Variants in ANXA4 observed in about 807,000 individuals in gnomAD.
ANXA4 encodes the protein annexin A4, also known as 35-beta calcimedin.
ANXA4 carries 39 observed loss-of-function variants against 49.8 expected under a neutral mutation model. The observed-to-expected ratio is 0.78, with a 90% CI of 0.61 to 1.02. The LOEUF is 1.02. Ranked by LOEUF, ANXA4 falls within the 50% of genes least tolerant of loss-of-function variation. The pLI is 0.00. For synonymous variants in ANXA4, 134 were observed against 152.5 expected, an observed-to-expected ratio of 0.88 and a Z score of 0.89; for missense variants, 360 against 410.1, an observed-to-expected ratio of 0.88 and a Z score of 1.05.
At chr2:69,769,936 T>TAC (rs1242241962) in intron 1 of ANXA4, among the ~76,000 whole-genome samples, 3 of 152,230 alleles carry the variant, frequency 2.0e-5, no homozygotes, top group Non-Finnish European at 4.4e-5. Flanking sequence ...GTGCTGGGTT[T>TAC]ACAGGTGTGA....
intron 1 of ANXA4, among the ~76,000 whole-genome samples, chr2:69,779,528 G>A (rs944457297): frequency 1.3e-5 from 2 of 152,074 alleles, no homozygotes; most frequent in Admixed American, 6.6e-5. Flanking sequence ...CCAAGCTTTT[G>A]CCTCTACCCA....
At chr2:69,738,117 A>G (rs558683904), upstream of ANXA4, among the ~76,000 whole-genome samples, 313 of 152,314 alleles carry the variant, frequency 2.1e-3, 1 homozygote, top group African/African-American at 7.1e-3. Context: ...TTGGTGTTTA[A>G]CTGAAAATCA....
chr2:69,792,918 T>A (rs1247344495), intron 3 of ANXA4, among the ~76,000 whole-genome samples: 4 of 151,268 alleles, frequency 2.6e-5, no homozygotes, highest in African/African-American at 4.8e-5. Context: ...TGCTACCAAT[T>A]GTGAAGCAGG....
chr2:69,649,528 T>A (rs1284530612), intron 1 of ANXA4, among the ~76,000 whole-genome samples: 1 of 151,426 alleles, frequency 6.6e-6, no homozygotes, highest in African/African-American at 2.4e-5. Flanking sequence ...AATGTTTTAT[T>A]TTTAAATGTT....
chr2:69,675,604 TG>T (rs1677378877), intron 2 of ANXA4, among the ~76,000 whole-genome samples: 1 of 151,802 alleles, frequency 6.6e-6, no homozygotes, highest in South Asian at 2.1e-4. Flanking sequence ...CCTGGAAGAG[TG>T]AGTCATAGGG....
At chr2:69,735,607 G>GA (rs68067564) in intron 3 of ANXA4, among the ~76,000 whole-genome samples, 40,326 of 149,934 alleles carry the variant, frequency 0.27, 5,394 homozygotes, top group South Asian at 0.32. Context: ...GCCACTCTGG[G>GA]AAAAAAAAAA....
At chr2:69,718,262 C>A (rs1006557984) in intron 2 of ANXA4, among the ~76,000 whole-genome samples, 1 of 152,066 alleles carries the variant, frequency 6.6e-6, no homozygotes, top group Non-Finnish European at 1.5e-5. Flanking sequence ...GGGGAAAGGT[C>A]CCCCCAGCTG....
intron 2 of ANXA4, among the ~76,000 whole-genome samples, chr2:69,720,182 G>A (rs565633054): frequency 6.6e-6 from 1 of 152,244 alleles, no homozygotes; most frequent in African/African-American, 2.4e-5. Context: ...CTTGGCCCTC[G>A]GAGGGCTGGG....
intron 8 of ANXA4, 110 bp from the exon 9 acceptor site, chr2:69,815,991 C>T (rs1673971074): frequency 1.2e-6 from 1 of 811,260 alleles, no homozygotes. Flanking sequence ...AACCCCATCA[C>T]CAACAAAATA....
intron 7 of ANXA4, among the ~76,000 whole-genome samples, chr2:69,811,942 G>C (rs566728481): frequency 6.6e-6 from 1 of 151,966 alleles, no homozygotes; most frequent in Non-Finnish European, 1.5e-5. Context: ...AATAAAAATA[G>C]CCTAAAAACT....
chr2:69,793,113 G>GTGGT (rs1466087401), intron 3 of ANXA4, among the ~76,000 whole-genome samples: 1 of 152,116 alleles, frequency 6.6e-6, no homozygotes, highest in Admixed American at 6.5e-5. Flanking sequence ...TTAGATGGAT[G>GTGGT]TGGTGGCGCG....
At chr2:69,757,484 A>T (rs1465408609) in intron 1 of ANXA4, among the ~76,000 whole-genome samples, 8 of 141,824 alleles carry the variant, frequency 5.6e-5, no homozygotes, top group African/African-American at 1.8e-4. Flanking sequence ...CATGTTAGCC[A>T]AGATGGTCTC....
At chr2:69,757,162 C>T (rs1417466381) in intron 1 of ANXA4, among the ~76,000 whole-genome samples, 1 of 148,260 alleles carries the variant, frequency 6.7e-6, no homozygotes, top group Non-Finnish European at 1.5e-5. Context: ...CTCCTAACCT[C>T]AGGTGATCTG....
At chr2:69,796,878 G>A (rs924841022) in intron 3 of ANXA4, among the ~76,000 whole-genome samples, 2 of 152,148 alleles carry the variant, frequency 1.3e-5, no homozygotes, top group Non-Finnish European at 2.9e-5. Context: ...ATTGCTAAGA[G>A]AGCTGAGTCA....
intron 3 of ANXA4, among the ~76,000 whole-genome samples, chr2:69,725,324 G>T (rs1472872232): frequency 6.7e-6 from 1 of 149,594 alleles, no homozygotes; most frequent in Non-Finnish European, 1.5e-5. Context: ...GTATATAAAT[G>T]ATGCCCCAAA....
intron 1 of ANXA4, among the ~76,000 whole-genome samples, chr2:69,774,637 G>C (rs1272917838): frequency 8.0e-5 from 12 of 149,786 alleles, no homozygotes; most frequent in Admixed American, 7.9e-4. Context: ...ACCGCGTCCA[G>C]CCAAAAGGAG....
intron 1 of ANXA4, among the ~76,000 whole-genome samples, chr2:69,745,021 C>T (rs964747410): frequency 3.3e-5 from 5 of 152,082 alleles, no homozygotes; most frequent in Non-Finnish European, 1.5e-5. Flanking sequence ...TCCCTTGAGC[C>T]CAGGAGTTTG....
At chr2:69,779,953 A>C (rs760251797) in intron 1 of ANXA4, among the ~76,000 whole-genome samples, 3 of 152,226 alleles carry the variant, frequency 2.0e-5, no homozygotes, top group African/African-American at 4.8e-5. Flanking sequence ...GTAAGTCGGC[A>C]ATGAATGATG....
upstream of ANXA4, among the ~76,000 whole-genome samples, chr2:69,741,800 C>T (rs1670405880): frequency 6.6e-6 from 1 of 152,186 alleles, no homozygotes; most frequent in Non-Finnish European, 1.5e-5. Context: ...GAAACGGGAC[C>T]CCAAGAATCC....
Sources: gnomAD v4.1 joint callset for allele counts (sites outside exome capture counted in the v4.1 genomes callset) on GRCh38, gnomAD v4.1.1 for gene constraint, MANE v1.5 for transcripts, NCBI Gene and HGNC (gene_info 2026-07-23, HGNC 2026-07-21) for gene names.